PIK3R2: variants seen among roughly 807,000 people sequenced by gnomAD.
PIK3R2 encodes phosphoinositide-3-kinase regulatory subunit 2, also known as phosphatidylinositol 3-kinase regulatory subunit beta.
A neutral mutation model predicts 78.5 loss-of-function variants in PIK3R2; 40 were observed. That is an observed-to-expected ratio of 0.51 (90% CI 0.40 to 0.66). PIK3R2 has a LOEUF of 0.66. Among genes scored for constraint, PIK3R2 ranks in the 30% least tolerant of loss-of-function variants. The probability of loss-of-function intolerance (pLI) is 0.00; values close to 1 mark genes in which losing one functional copy is unlikely to be tolerated. For missense variants in PIK3R2, 880 were observed against 1,026.6 expected (o/e 0.86, Z 1.95); for synonymous variants, 473 against 457.7 (o/e 1.03, Z -0.43).
chr19:18,155,937 C>A lies in PIK3R2; in HGVS notation c.58C>A (p.Pro20Thr). The A allele has an allele frequency of 6.4e-7, 1 of 1,570,724 alleles. No homozygotes were observed. Among genetic ancestry groups the A allele is most frequent in the Middle Eastern group, 1.7e-4 (1 of 6,006 alleles). Residue 20 changes from proline (P) to threonine (T), a missense_variant, in exon 2 of 16, where the codon CCG (proline) becomes ACG (threonine). By Grantham distance (38) the Pro-to-Thr change is conservative (BLOSUM62 -1). Coordinates refer to ENST00000222254, the MANE Select transcript of PIK3R2 (RefSeq NM_005027.4). ...TCTGTACCCGTTCCGCCGGGAGCGG[C>A]CGGAGGACCTGGAGCTGCTGCCCGG... ...RALYPFRRER[P>T]EDLELLPGDV...
rs1284781492 is a variant in PIK3R2 at position 18,166,158 on chromosome 19, A to G, written c.1417-2A>G. 1 of 1,613,964 alleles carries G rather than the reference A, an allele frequency of 6.2e-7. No individual in the cohort carries two copies. The highest frequency in any genetic ancestry group is 8.5e-7 in the Non-Finnish European group (1 of 1,179,968). On this transcript the variant is annotated splice_acceptor_variant, in intron 11 of 15. Transcript: ENST00000222254. LOFTEE classifies it high-confidence loss of function. ...GGTGCTGAGCTGCGCCCCCTCCTCC[A>G]GGAGCTGCAGATGAAGCGTACTGCA...
At position 18,167,090 on chromosome 19, in the gene PIK3R2, A is replaced by C. The variant is rs555744347; in HGVS notation, c.1560-40A>C. 1 of 1,488,232 alleles carries C rather than the reference A, an allele frequency of 6.7e-7. No homozygotes were observed. Among genetic ancestry groups the C allele is most frequent in the Non-Finnish European group, 9.0e-7 (1 of 1,115,374 alleles). 92.2% of individuals were successfully genotyped at this position (1,488,232 alleles called of 1,614,324 possible). A position where few individuals can be genotyped will look rare whatever the true frequency, so the allele number is the denominator to read the frequency against. Reference sequence around the variant, plus strand: ...GTTTGAGGGTGCAGTGAGCCGAGATAAAACCCTGAGGTCTCTGCGCCACCC... The same window carrying C: ...GTTTGAGGGTGCAGTGAGCCGAGATCAAACCCTGAGGTCTCTGCGCCACCC... On this transcript the variant is annotated intron_variant, in intron 12 of 15. Coordinates refer to ENST00000222254, the MANE Select transcript of PIK3R2 (RefSeq NM_005027.4). The surrounding 1 kb of genome is among the most constrained non-coding windows in gnomAD (Gnocchi z 4.5).
intron 1 of PIK3R2, among the ~76,000 whole-genome samples, chr19:18,154,470 A>G (rs1023033844): frequency 6.6e-6 from 1 of 152,086 alleles, no homozygotes; most frequent in Non-Finnish European, 1.5e-5. Context: ...CTCTGCAGAG[A>G]CTGGAGGTCC....
rs555405519 is a variant in PIK3R2, at chr19:18,169,998, C to T, written c.*704C>T. On this transcript the variant is annotated 3_prime_UTR_variant, in exon 16 of 16. Transcript: ENST00000222254. ...CCAAGACGGGCGGATCTTTTGAGGTCGGGAGTTGGAGGCCAGCCTGGCCAA... is the reference window on the plus strand; with the variant it reads ...CCAAGACGGGCGGATCTTTTGAGGTTGGGAGTTGGAGGCCAGCCTGGCCAA... The T allele has an allele frequency of 2.1e-4, 37 of 177,562 alleles. No homozygotes were observed. The highest frequency in any genetic ancestry group is 1.4e-3 in the East Asian group (15 of 10,534). The allele number at this position is 177,562 out of a possible 1,614,324, so 11.0% of individuals were successfully genotyped here. A position where few individuals can be genotyped will look rare whatever the true frequency, so the allele number is the denominator to read the frequency against.
Position 18,161,937 on chromosome 19 carries a change from G to A in PIK3R2, c.816-29G>A, listed in dbSNP as rs1275856925. ...TGCGTGGGCGGACAGGCCCTACCCA[G>A]CCCTCACCACACTCCCCTTCCCCCT... On this transcript the variant is annotated intron_variant, in intron 6 of 15. Coordinates refer to ENST00000222254, the MANE Select transcript of PIK3R2 (RefSeq NM_005027.4). This position sits in a 1 kb window ranked among gnomAD's most constrained non-coding sequence, Gnocchi z 5.3. 1 of 1,597,008 alleles carries A rather than the reference G, an allele frequency of 6.3e-7. No individual in the cohort carries two copies. Among genetic ancestry groups the A allele is most frequent in the Non-Finnish European group, 8.6e-7 (1 of 1,164,714 alleles).
chr19:18,160,381 T>C, intron 2 of PIK3R2, 90 bp from the exon 3 acceptor site: 1 of 810,550 alleles, frequency 1.2e-6, no homozygotes, highest in Non-Finnish European at 2.1e-6. Context: ...TGCCTCAAAC[T>C]GCCCCAGCTG....
rs1272380828 is a variant in PIK3R2 at position 18,156,087 on chromosome 19, T to A, written c.208T>A (p.Phe70Ile). The A allele has an allele frequency of 6.4e-7, 1 of 1,560,392 alleles. No individual in the cohort carries two copies. The change falls in exon 2 of 16, where the codon TTC becomes ATC. Residue 70 changes from phenylalanine (F) to isoleucine (I), a missense_variant. This residue lies in a region of PIK3R2 where 456 missense variants were observed against 486.6 expected (regional missense o/e 0.94). Coordinates refer to ENST00000222254, the MANE Select transcript of PIK3R2 (RefSeq NM_005027.4). This position sits in a 1 kb window ranked among gnomAD's most constrained non-coding sequence, Gnocchi z 4.2. Reference sequence around the variant, plus strand: ...CGAGCGCACACGGCAGCGAGGTGACTTCCCTGGCACCTATGTGGAGTTCCT... The same window carrying A: ...CGAGCGCACACGGCAGCGAGGTGACATCCCTGGCACCTATGTGGAGTTCCT... ...LNERTRQRGDFPGTYVEFLGP... is the reference protein window; with the variant it reads ...LNERTRQRGDIPGTYVEFLGP...
At chr19:18,153,486 G>A (rs2043641014) in intron 1 of PIK3R2, among the ~76,000 whole-genome samples, 192 bp downstream of exon 1, 1 of 152,206 alleles carries the variant, frequency 6.6e-6, no homozygotes, top group Admixed American at 6.5e-5. Flanking sequence ...AGCCTCCTTG[G>A]GACGGTCGGG....
At position 18,161,447 on chromosome 19, in the gene PIK3R2, GCGCGCCGCCGCCGCCGTC is replaced by G. The variant is rs1432559006; in HGVS notation, c.769_786del (p.Ala257_Ser262del). The G allele has an allele frequency of 3.3e-6, 4 of 1,205,726 alleles. No homozygotes were observed. The South Asian group carries it at 1.6e-4, about 48-fold the overall frequency. 74.7% of individuals were successfully genotyped at this position (1,205,726 alleles called of 1,614,324 possible). A position where few individuals can be genotyped will look rare whatever the true frequency, so the allele number is the denominator to read the frequency against. ...GCCACCTTTGGGCCGCTGCTGCTGC[GCGCGCCGCCGCCGCCGTC>G]CTCGCCGCCGCCAGGGGGCGCTCCC... On this transcript the variant is annotated inframe_deletion, in exon 6 of 16. Coordinates refer to ENST00000222254, the MANE Select transcript of PIK3R2 (RefSeq NM_005027.4). The surrounding 1 kb of genome is among the most constrained non-coding windows in gnomAD (Gnocchi z 5.3).
intron 3 of PIK3R2, 65 bp from the exon 4 acceptor site, chr19:18,160,854 A>T: frequency 6.5e-7 from 1 of 1,543,946 alleles, no homozygotes; most frequent in Non-Finnish European, 8.8e-7. Context: ...TTGAGCGGCC[A>T]GTCCAGGCCT....
chr19:18,168,354 C>T lies in PIK3R2; in HGVS notation c.1737-121C>T. 1.5e-6 allele frequency: 1 copy of T among 672,766 alleles called. No individual in the cohort carries two copies. The highest frequency in any genetic ancestry group is 2.2e-5 in the Admixed American group (1 of 45,512). The allele number at this position is 672,766 out of a possible 1,614,324, so 41.7% of individuals were successfully genotyped here. ...GGTCAGCTCTGCCCTCTTGTGGCAACCGGAGATATTGTACCCAGAACCCTC... is the reference window on the plus strand; with the variant it reads ...GGTCAGCTCTGCCCTCTTGTGGCAATCGGAGATATTGTACCCAGAACCCTC... On this transcript the variant is annotated intron_variant, in intron 13 of 15. Transcript: ENST00000222254. This position sits in a 1 kb window ranked among gnomAD's most constrained non-coding sequence, Gnocchi z 4.1.
At position 18,163,313 on chromosome 19, in the gene PIK3R2, G is replaced by A. The variant is rs749733781; in HGVS notation, c.1341G>A (p.Lys447=). The change falls in exon 11 of 16, where the codon AAG becomes AAA. Residue 447 remains lysine, a synonymous_variant. Transcript: ENST00000222254. ...DSVEAVGAQL[K]VYHQQYQDKS... ...TGGAGGCAGTGGGCGCCCAGCTTAA[G>A]GTCTATCACCAGCAGTACCAGGACA... 1 of 1,614,064 alleles carries A rather than the reference G, an allele frequency of 6.2e-7. No individual in the cohort carries two copies. Among genetic ancestry groups the A allele is most frequent in the Non-Finnish European group, 8.5e-7 (1 of 1,180,000 alleles).
In PIK3R2 at chr19:18,167,266, G is replaced by T; in HGVS notation, c.1696G>T (p.Asp566Tyr). The T allele has an allele frequency of 6.2e-7, 1 of 1,609,120 alleles. No individual in the cohort carries two copies. The highest frequency in any genetic ancestry group is 8.5e-7 in the Non-Finnish European group (1 of 1,177,904). ...CAAGCGCATGAACAGCCTCAAGCCG[G>T]ACCTCATGCAGCTGCGCAAGATCCG... ...IDKRMNSLKP[D>Y]LMQLRKIRDQ... The change falls in exon 13 of 16, where the codon GAC (aspartate) becomes TAC (tyrosine). Residue 566 changes from aspartate (D) to tyrosine (Y), a missense_variant. This residue lies in a region of PIK3R2 where 268 missense variants were observed against 299.1 expected (regional missense o/e 0.90). Transcript: ENST00000222254. The surrounding 1 kb of genome is among the most constrained non-coding windows in gnomAD (Gnocchi z 4.5).
intron 7 of PIK3R2, 23 bp from the exon 8 acceptor site, chr19:18,162,179 G>A (rs766363493): frequency 7.0e-6 from 10 of 1,430,590 alleles, no homozygotes; most frequent in Non-Finnish European, 9.9e-6. Flanking sequence ...TGCTCAGGAT[G>A]CATTTGTTTT....
chr19:18,162,057 T>C lies in PIK3R2; in HGVS notation c.901+6T>C. The C allele has an allele frequency of 6.2e-7, 1 of 1,611,812 alleles. No individual in the cohort carries two copies. The highest frequency in any genetic ancestry group is 8.5e-7 in the Non-Finnish European group (1 of 1,178,230). ...GCAGGAGGTTGCGCCCCCAGGTGAGTCCCCTGTATTGCTGTCATTTCTTCC... is the reference window on the plus strand; with the variant it reads ...GCAGGAGGTTGCGCCCCCAGGTGAGCCCCCTGTATTGCTGTCATTTCTTCC... On this transcript the variant is annotated splice_donor_region_variant and intron_variant, in intron 7 of 15. Transcript: ENST00000222254.
rs1288112746 is a variant in PIK3R2 at position 18,169,317 on chromosome 19, A to G, written c.*23A>G. The G allele has an allele frequency of 7.3e-7, 1 of 1,369,074 alleles. No individual in the cohort carries two copies. Among genetic ancestry groups the G allele is most frequent in the Non-Finnish European group, 9.4e-7 (1 of 1,064,692 alleles). 84.8% of individuals were successfully genotyped at this position (1,369,074 alleles called of 1,614,324 possible). On this transcript the variant is annotated 3_prime_UTR_variant, in exon 16 of 16. Transcript: ENST00000222254. ...TGAGCACCGAGGACCCGCCCCAAGCAGAGCCGCCCCTGGGCCCGTCTGCGC... is the reference window on the plus strand; with the variant it reads ...TGAGCACCGAGGACCCGCCCCAAGCGGAGCCGCCCCTGGGCCCGTCTGCGC...
rs1316377704 is a variant in PIK3R2, at chr19:18,169,812, C to T, written c.*518C>T. 4.9e-6 allele frequency: 1 copy of T among 206,162 alleles called. No individual in the cohort carries two copies. Among genetic ancestry groups the T allele is most frequent in the African/African-American group, 2.3e-5 (1 of 43,764 alleles). 12.8% of individuals were successfully genotyped at this position (206,162 alleles called of 1,614,324 possible). ...CATTCGGGGCCGGGCGGGACCCGCC[C>T]CACAGACTCCAACTTCCCCTCCAAA... is the stretch of plus-strand genomic sequence containing the variant. On this transcript the variant is annotated 3_prime_UTR_variant, in exon 16 of 16. Transcript: ENST00000222254.
In PIK3R2 at chr19:18,168,350, G is replaced by A; in HGVS notation, c.1737-125G>A. On this transcript the variant is annotated intron_variant, in intron 13 of 15. Transcript: ENST00000222254. The surrounding 1 kb of genome is among the most constrained non-coding windows in gnomAD (Gnocchi z 4.1). ...GCCAGGTCAGCTCTGCCCTCTTGTG[G>A]CAACCGGAGATATTGTACCCAGAAC... The A allele has an allele frequency of 1.5e-6, 1 of 666,634 alleles. No individual in the cohort carries two copies. The highest frequency in any genetic ancestry group is 2.7e-5 in the East Asian group (1 of 36,892). 41.3% of individuals were successfully genotyped at this position (666,634 alleles called of 1,614,324 possible).
Position 18,161,033 on chromosome 19 carries a change from T to A in PIK3R2, c.467-21T>A, listed in dbSNP as rs1362427985. The A allele has an allele frequency of 6.2e-7, 1 of 1,611,384 alleles. No homozygotes were observed. The highest frequency in any genetic ancestry group is 8.5e-7 in the Non-Finnish European group (1 of 1,179,242). ...GGCCCCAGTACACATGAGTTGGACG[T>A]GTGCCCCCCTGCACCCGCAGACTGG... On this transcript the variant is annotated intron_variant, in intron 4 of 15. Transcript: ENST00000222254. The surrounding 1 kb of genome is among the most constrained non-coding windows in gnomAD (Gnocchi z 5.3).
Sources: allele counts gnomAD v4.1 joint callset (sites outside exome capture counted in the v4.1 genomes callset), GRCh38; gene constraint gnomAD v4.1.1; regional missense constraint gnomAD v4.1.1; non-coding constraint Gnocchi (gnomAD v3.1); transcripts MANE v1.5; gene names NCBI Gene and HGNC (gene_info 2026-07-23, HGNC 2026-07-21).